RSF1: variants seen among roughly 807,000 people sequenced by gnomAD.
The protein encoded by RSF1 is remodeling and spacing factor 1.
A neutral mutation model predicts 145.2 loss-of-function variants in RSF1; 13 were observed. The ratio of observed to expected loss-of-function variants is 0.09; its 90% CI spans 0.06 to 0.14. The LOEUF (loss-of-function observed/expected upper bound fraction) is 0.14. RSF1 is among the 10% of genes least tolerant of loss of function. RSF1 has a pLI of 1.00. For missense variants in RSF1, 1,517 were observed against 1,718.2 expected (o/e 0.88, Z 2.07); for synonymous variants, 577 against 592.6 (o/e 0.97, Z 0.38).
At chr11:77,724,327 A>T (rs1030878653) in intron 5 of RSF1, among the ~76,000 whole-genome samples, 2 of 152,150 alleles carry the variant, frequency 1.3e-5, no homozygotes, top group African/African-American at 4.8e-5. Flanking sequence ...TGCTTCCTCA[A>T]AAAATTAAAC....
At chr11:77,800,313 G>T (rs1334423848) in intron 1 of RSF1, among the ~76,000 whole-genome samples, 1 of 151,678 alleles carries the variant, frequency 6.6e-6, no homozygotes, top group Non-Finnish European at 1.5e-5. Context: ...CCAACATGGT[G>T]AAACCCCGCC....
At chr11:77,824,780 T>A (rs544561302), upstream of RSF1, among the ~76,000 whole-genome samples, 162 of 152,342 alleles carry the variant, frequency 1.1e-3, 1 homozygote, top group African/African-American at 3.8e-3. Flanking sequence ...ATTGGCAAGT[T>A]TATTTCTCAA....
At chr11:77,737,810 C>T (rs939614082) in intron 4 of RSF1, among the ~76,000 whole-genome samples, 1 of 152,088 alleles carries the variant, frequency 6.6e-6, no homozygotes, top group Non-Finnish European at 1.5e-5. Flanking sequence ...AAATTTCAGT[C>T]TTTGGAGTTA....
At position 77,664,275 on chromosome 11, in the gene RSF1, T is replaced by C. The variant is rs1269070666; in HGVS notation, c.*2642A>G. 2 of 152,176 alleles carry C rather than the reference T, an allele frequency of 1.3e-5. No individual in the cohort carries two copies. Among genetic ancestry groups the C allele is most frequent in the African/African-American group, 4.8e-5 (2 of 41,446 alleles). 9.4% of individuals were successfully genotyped at this position (152,176 alleles called of 1,614,324 possible). On this transcript the variant is annotated 3_prime_UTR_variant, in exon 16 of 16. Coordinates refer to ENST00000308488, the MANE Select transcript of RSF1 (RefSeq NM_016578.4). ...TCAACCGCTTGGATTACATTCTTGG[T>C]AGATGACCTATAGTTAATTGATTTA... is the stretch of plus-strand genomic sequence containing the variant.
chr11:77,714,722 G>C (rs1044761622), intron 5 of RSF1, among the ~76,000 whole-genome samples: 2 of 152,140 alleles, frequency 1.3e-5, no homozygotes, highest in Non-Finnish European at 2.9e-5. Flanking sequence ...CATGCCTGTA[G>C]TTCCAGCTAC....
At chr11:77,697,324 T>G (rs1016503965) in intron 7 of RSF1, among the ~76,000 whole-genome samples, 2 of 151,634 alleles carry the variant, frequency 1.3e-5, no homozygotes, top group African/African-American at 4.8e-5. Context: ...TTCTTCTACT[T>G]AATAGCTGGA....
chr11:77,728,101 T>C (rs1157588557), intron 4 of RSF1, among the ~76,000 whole-genome samples: 2 of 152,228 alleles, frequency 1.3e-5, no homozygotes, highest in African/African-American at 4.8e-5. Context: ...ACTTGTTCTC[T>C]GTTCTCCAAA....
At chr11:77,718,266 A>G (rs192154486) in intron 5 of RSF1, 1 of 152,322 alleles carries the variant, frequency 6.6e-6, no homozygotes, top group Admixed American at 6.5e-5. Context: ...AGATCGCGCC[A>G]TTGTGCTCCA....
At chr11:77,795,515 A>C (rs1332669649) in intron 1 of RSF1, among the ~76,000 whole-genome samples, 1 of 152,206 alleles carries the variant, frequency 6.6e-6, no homozygotes, top group Non-Finnish European at 1.5e-5. Context: ...TTGGTATAAA[A>C]TCAGACACAC....
intron 5 of RSF1, among the ~76,000 whole-genome samples, chr11:77,709,912 T>C (rs745878343): frequency 1.3e-5 from 2 of 152,140 alleles, no homozygotes; most frequent in Non-Finnish European, 2.9e-5. Flanking sequence ...CCACTGCACC[T>C]GACCAGTGAC....
chr11:77,709,539 A>AT (rs1960630528), intron 5 of RSF1, among the ~76,000 whole-genome samples: 1 of 152,214 alleles, frequency 6.6e-6, no homozygotes. Flanking sequence ...AACTTTCACG[A>AT]TTTTGAAAAT....
Position 77,700,749 on chromosome 11 carries a change from T to C in RSF1, c.2480A>G (p.Glu827Gly), listed in dbSNP as rs751514993. 1 of 1,587,374 alleles carries C rather than the reference T, an allele frequency of 6.3e-7. No homozygotes were observed. Among genetic ancestry groups the C allele is most frequent in the Non-Finnish European group, 8.5e-7 (1 of 1,174,368 alleles). ...TDKKEILKKS[E>G]KDTNSKVSKV... is the part of the protein sequence containing the mutation. ...GCTTACTTTAGAATTTGTATCTTTC[T>C]CTGATTTTTTCAAAATTTCCTTTTT... The change falls in exon 6 of 16, where the codon GAG (glutamate) becomes GGG (glycine). Residue 827 changes from glutamate to glycine, a missense_variant. By Grantham distance (98) the Glu-to-Gly change is moderately conservative. Coordinates refer to ENST00000308488, the MANE Select transcript of RSF1 (RefSeq NM_016578.4).
chr11:77,825,283 C>A (rs78438753), upstream of RSF1, among the ~76,000 whole-genome samples: 2 of 150,052 alleles, frequency 1.3e-5, no homozygotes, highest in African/African-American at 2.5e-5. Flanking sequence ...GGCCTGGCTG[C>A]TTTTTTTTTA....
rs763061072 is a variant in RSF1 at position 77,740,931 on chromosome 11, G to C, written c.378C>G (p.Leu126=). 41 of 1,611,190 alleles carry C rather than the reference G, an allele frequency of 2.5e-5. No individual in the cohort carries two copies. The highest frequency in any genetic ancestry group is 3.4e-5 in the Non-Finnish European group (40 of 1,177,718). ...VECKLALLKY[L]CECQFDDNLK... is the part of the protein sequence containing the mutation. ...GATTGTCATCAAACTGACACTCACA[G>C]AGGTACTGAAAAATAGTCATAACAT... is the stretch of plus-strand genomic sequence containing the variant. The change falls in exon 4 of 16, where the codon CTC becomes CTG. Residue 126 remains leucine, a synonymous_variant. Transcript: ENST00000308488.
intron 11 of RSF1, among the ~76,000 whole-genome samples, chr11:77,681,774 T>A (rs552985592): frequency 6.6e-6 from 1 of 152,336 alleles, no homozygotes; most frequent in East Asian, 1.9e-4. Context: ...CAGATAAACC[T>A]CCTTCTGCCA....
intron 1 of RSF1, among the ~76,000 whole-genome samples, chr11:77,771,550 G>T (rs147109401): frequency 2.6e-5 from 4 of 152,286 alleles, no homozygotes; most frequent in African/African-American, 9.6e-5. Flanking sequence ...TAAGGGTAAT[G>T]AGACCCCACA....
chr11:77,844,353 GT>G, the RSF1 span, among the ~76,000 whole-genome samples: 1 of 151,870 alleles, frequency 6.6e-6, no homozygotes, highest in African/African-American at 2.4e-5. Flanking sequence ...TTTTTTTACA[GT>G]TTTTTCTTTC....
At chr11:77,767,875 T>C (rs1948241842) in intron 1 of RSF1, among the ~76,000 whole-genome samples, 1 of 152,190 alleles carries the variant, frequency 6.6e-6, no homozygotes, top group East Asian at 1.9e-4. Context: ...TACTATTTTT[T>C]AAAAGCCAAT....
chr11:77,734,727 C>A, intron 4 of RSF1: 1 of 1,450,062 alleles, frequency 6.9e-7, no homozygotes, highest in Non-Finnish European at 9.6e-7. Flanking sequence ...CACACTCCAT[C>A]ACATTCAGCC....
Sources: gnomAD v4.1 joint callset for allele counts (sites outside exome capture counted in the v4.1 genomes callset) on GRCh38, gnomAD v4.1.1 for gene constraint, MANE v1.5 for transcripts, NCBI Gene and HGNC (gene_info 2026-07-23, HGNC 2026-07-21) for gene names.